ACSM1: variants seen among roughly 807,000 people sequenced by gnomAD.
ACSM1 encodes the protein acyl-coenzyme A synthetase ACSM1, mitochondrial.
ACSM1 carries 79 observed loss-of-function variants against 75.8 expected under a neutral mutation model. The observed-to-expected ratio is 1.04, with a 90% CI of 0.87 to 1.26. ACSM1 has a LOEUF of 1.26. Ranked by LOEUF, ACSM1 falls within the 50% of genes most tolerant of loss-of-function variation. ACSM1 has a pLI of 0.00. For synonymous variants in ACSM1, 279 were observed against 265.8 expected (o/e 1.05, Z -0.48); for missense variants, 676 against 720.1 (o/e 0.94, Z 0.70).
intron 10 of ACSM1, among the ~76,000 whole-genome samples, chr16:20,630,288 T>G (rs1411703792): frequency 2.0e-5 from 3 of 152,106 alleles, no homozygotes. Context: ...GGTTTCTCCA[T>G]GTTTATCAGG....
intron 4 of ACSM1, among the ~76,000 whole-genome samples, chr16:20,675,828 G>A (rs1048088601): frequency 6.6e-6 from 1 of 152,144 alleles, no homozygotes. Context: ...ATTGTAGAAC[G>A]TTCACAGCTC....
intron 7 of ACSM1, among the ~76,000 whole-genome samples, chr16:20,660,650 G>T (rs1375713306): frequency 6.6e-6 from 1 of 152,182 alleles, no homozygotes; most frequent in Non-Finnish European, 1.5e-5. Flanking sequence ...GAAGCTTCAT[G>T]AGTAAAATCA....
intron 10 of ACSM1, among the ~76,000 whole-genome samples, chr16:20,634,666 C>A (rs1051151660): frequency 5.3e-5 from 8 of 152,070 alleles, no homozygotes; most frequent in East Asian, 3.9e-4. Flanking sequence ...TTTTAAAAAG[C>A]AGATTAGAGA....
chr16:20,623,304 C>G lies in ACSM1; in HGVS notation c.*182G>C. On this transcript the variant is annotated 3_prime_UTR_variant, in exon 14 of 14. Coordinates refer to ENST00000520010, the MANE Select transcript of ACSM1 (RefSeq NM_001318890.3). ...TGGGAAATTCTAAAGATACAGAGGA[C>G]TTGGAGGAAGCAGAGCAACTGAATT... The G allele has an allele frequency of 1.7e-6, 1 of 582,550 alleles. No homozygotes were observed. 36.1% of individuals were successfully genotyped at this position (582,550 alleles called of 1,614,324 possible).
In ACSM1 at chr16:20,637,371, C is replaced by A. The variant is rs868418504; in HGVS notation, c.1197G>T (p.Gln399His). The change falls in exon 9 of 14, where the codon CAG becomes CAT. Residue 399 changes from glutamine to histidine, a missense_variant and splice_region_variant. Transcript: ENST00000520010. Reference protein sequence around the residue: ...MGKATPPYDVQVIDDKGSILP... With the variant: ...MGKATPPYDVHVIDDKGSILP... Reference sequence around the variant, plus strand: ...CCTGCCAATGCCCTTAGGACCAGACCTGGACGTCGTAGGGTGGAGTGGCCT... The same window carrying A: ...CCTGCCAATGCCCTTAGGACCAGACATGGACGTCGTAGGGTGGAGTGGCCT... 6.2e-7 allele frequency: 1 copy of A among 1,613,950 alleles called. No homozygotes were observed.
intron 12 of ACSM1, among the ~76,000 whole-genome samples, chr16:20,624,845 C>T (rs952105737): frequency 1.3e-5 from 2 of 151,514 alleles, no homozygotes; most frequent in Admixed American, 6.6e-5. Context: ...CAGGCGCCCA[C>T]CCCCCATTCC....
intron 2 of ACSM1, among the ~76,000 whole-genome samples, chr16:20,687,377 G>A (rs1029305970): frequency 4.6e-5 from 7 of 152,110 alleles, no homozygotes; most frequent in African/African-American, 1.2e-4. Context: ...GAAAATTAGC[G>A]AGGTGGGGCG....
intron 7 of ACSM1, among the ~76,000 whole-genome samples, chr16:20,657,625 A>G (rs2019050353): frequency 6.6e-6 from 1 of 151,032 alleles, no homozygotes; most frequent in Non-Finnish European, 1.5e-5. Flanking sequence ...TTTTTATTAT[A>G]CCTTAAGTTT....
At chr16:20,633,030 C>T (rs1359757460) in intron 10 of ACSM1, among the ~76,000 whole-genome samples, 1 of 152,110 alleles carries the variant, frequency 6.6e-6, no homozygotes, top group Non-Finnish European at 1.5e-5. Flanking sequence ...CATGATGAGG[C>T]CACATATAAA....
chr16:20,671,152 AC>A (rs1372687113), intron 5 of ACSM1, among the ~76,000 whole-genome samples: 1 of 151,478 alleles, frequency 6.6e-6, no homozygotes, highest in African/African-American at 2.4e-5. Context: ...ATCTCAGGTC[AC>A]CCTGCTAGAA....
chr16:20,644,253 A>G (rs2018235923), intron 7 of ACSM1, among the ~76,000 whole-genome samples: 1 of 152,250 alleles, frequency 6.6e-6, no homozygotes, highest in South Asian at 2.1e-4. Context: ...AGAAGAAAGT[A>G]GAAAAATAAC....
chr16:20,696,998 T>C (rs1218934533), intron 1 of ACSM1, among the ~76,000 whole-genome samples: 2 of 152,208 alleles, frequency 1.3e-5, no homozygotes, highest in African/African-American at 4.8e-5. Flanking sequence ...TTGCTGGCAC[T>C]GAATGAAGTG....
rs1206284499 is a variant in ACSM1, at chr16:20,691,088, T to C, written c.101A>G (p.Glu34Gly). The C allele has an allele frequency of 6.2e-7, 1 of 1,613,690 alleles. No homozygotes were observed. Among genetic ancestry groups the C allele is most frequent in the Non-Finnish European group, 8.5e-7 (1 of 1,179,812 alleles). Residue 34 changes from glutamate (E) to glycine (G), a missense_variant, in exon 2 of 14, where the codon GAA becomes GGA. Transcript: ENST00000520010. ...PSQLRCRSLS[E>G]FGAPRWNDYE... ...GTCATTCCATCTTGGGGCTCCAAAT[T>C]CTGATAAAGACCGGCAGCGCAGCTG...
chr16:20,695,282 A>G (rs944393584), intron 1 of ACSM1, among the ~76,000 whole-genome samples: 6 of 152,216 alleles, frequency 3.9e-5, no homozygotes, highest in Non-Finnish European at 8.8e-5. Flanking sequence ...CCCTATAAAA[A>G]CATAGGCATA....
chr16:20,646,494 G>A (rs1239949339), intron 7 of ACSM1, among the ~76,000 whole-genome samples: 1 of 152,094 alleles, frequency 6.6e-6, no homozygotes, highest in African/African-American at 2.4e-5. Flanking sequence ...ACACTGGCAC[G>A]GCCTTCTCAG....
chr16:20,682,980 C>CTCAAGCCTTTG (rs1263343806), intron 3 of ACSM1, among the ~76,000 whole-genome samples: 1 of 152,156 alleles, frequency 6.6e-6, no homozygotes, highest in Non-Finnish European at 1.5e-5. Context: ...CAACAGTGAG[C>CTCAAGCCTTTG]TCAAGCCTTT....
At chr16:20,686,839 G>A (rs1303307445) in intron 2 of ACSM1, among the ~76,000 whole-genome samples, 1 of 151,598 alleles carries the variant, frequency 6.6e-6, no homozygotes, top group Non-Finnish European at 1.5e-5. Flanking sequence ...TATGGAAAGT[G>A]ATTAACATGT....
Position 20,691,751 on chromosome 16 carries a change from A to ATGTGTGTGTGTGTG in ACSM1, c.-51-526_-51-513dup, listed in dbSNP as rs59929923. On this transcript the variant is annotated intron_variant, in intron 1 of 13. Coordinates refer to ENST00000520010, the MANE Select transcript of ACSM1 (RefSeq NM_001318890.3). Reference sequence around the variant, plus strand: ...CTGGGCCAATCATAATACCTCTCCAATGTGTGTGTGTGTGTGTGTGTGTGT... The same window carrying ATGTGTGTGTGTGTG: ...CTGGGCCAATCATAATACCTCTCCAATGTGTGTGTGTGTGTGTGTGTGTGTGTGTGTGTGTGTGT... Among the ~76,000 whole-genome samples, 12 of 134,106 alleles carry ATGTGTGTGTGTGTG rather than the reference A, an allele frequency of 8.9e-5. No homozygotes were observed. In the South Asian group the frequency reaches 9.9e-4, roughly 11 times the overall value. 88.0% of individuals were successfully genotyped at this position (134,106 alleles called of 152,430 possible).
intron 7 of ACSM1, among the ~76,000 whole-genome samples, chr16:20,659,500 T>A (rs2019180735): frequency 6.6e-6 from 1 of 152,178 alleles, no homozygotes; most frequent in South Asian, 2.1e-4. Flanking sequence ...AGATGGGTTT[T>A]ATTTAACCCT....
Sources: gnomAD v4.1 joint callset for allele counts (sites outside exome capture counted in the v4.1 genomes callset) on GRCh38, gnomAD v4.1.1 for gene constraint, MANE v1.5 for transcripts, NCBI Gene and HGNC (gene_info 2026-07-23, HGNC 2026-07-21) for gene names.